Variants in CFAP96 observed in about 807,000 individuals in gnomAD.
CFAP96 encodes cilia and flagella associated protein 96.
chr4:185,423,970 TAAATG>T, the CFAP96 span, among the ~76,000 whole-genome samples: 2 of 152,066 alleles, frequency 1.3e-5, no homozygotes, highest in African/African-American at 2.4e-5. Flanking sequence ...TATTTTGAAA[TAAATG>T]AATAAGTACT....
chr4:185,443,921 C>CTTTT, the CFAP96 span, among the ~76,000 whole-genome samples: 30 of 82,832 alleles, frequency 3.6e-4, 2 homozygotes, highest in African/African-American at 1.2e-3. Flanking sequence ...CTATATCTTT[C>CTTTT]TTTTTTTTTT....
chr4:185,427,518 AG>A, the CFAP96 span, among the ~76,000 whole-genome samples: 8 of 148,138 alleles, frequency 5.4e-5, no homozygotes, highest in Non-Finnish European at 1.2e-4. Context: ...CCAGCACTTT[AG>A]GAGGCCGAGG....
At chr4:185,419,217 C>T in the CFAP96 span, among the ~76,000 whole-genome samples, 10 of 152,014 alleles carry the variant, frequency 6.6e-5, no homozygotes, top group East Asian at 1.9e-4. Context: ...CTGCAAGCTC[C>T]GCCTCCCGGG....
chr4:185,424,289 G>C, the CFAP96 span, among the ~76,000 whole-genome samples: 1 of 152,120 alleles, frequency 6.6e-6, no homozygotes, highest in African/African-American at 2.4e-5. Flanking sequence ...CTAAGCAACA[G>C]AGCAAGATCT....
chr4:185,425,502 G>C, the CFAP96 span, among the ~76,000 whole-genome samples: 1 of 152,160 alleles, frequency 6.6e-6, no homozygotes, highest in Admixed American at 6.5e-5. Context: ...AGAAACCAGG[G>C]GAGGGAAATA....
chr4:185,410,523 C>T, the CFAP96 span, among the ~76,000 whole-genome samples: 1 of 152,008 alleles, frequency 6.6e-6, no homozygotes, highest in Non-Finnish European at 1.5e-5. Context: ...TGGCTATTGC[C>T]AGTAATCCTA....
the CFAP96 span, chr4:185,418,902 A>T: frequency 1.5e-6 from 1 of 688,150 alleles, no homozygotes; most frequent in African/African-American, 1.8e-5. Flanking sequence ...TAATTTCAAA[A>T]TTTTTTGCCT....
chr4:185,420,547 A>C, the CFAP96 span, among the ~76,000 whole-genome samples: 2 of 152,200 alleles, frequency 1.3e-5, no homozygotes, highest in African/African-American at 4.8e-5. Flanking sequence ...TTGATAAATA[A>C]ATACTTTGGA....
the CFAP96 span, among the ~76,000 whole-genome samples, chr4:185,446,610 C>G: frequency 6.6e-6 from 1 of 151,954 alleles, no homozygotes; most frequent in African/African-American, 2.4e-5. Context: ...CAGGGACTAC[C>G]TAGTACTAAA....
chr4:185,411,665 G>A, the CFAP96 span, among the ~76,000 whole-genome samples: 1 of 152,052 alleles, frequency 6.6e-6, no homozygotes, highest in East Asian at 1.9e-4. Context: ...ATGGTTCAGA[G>A]GGGGAAAAAA....
At chr4:185,410,906 A>G in the CFAP96 span, among the ~76,000 whole-genome samples, 1 of 147,946 alleles carries the variant, frequency 6.8e-6, no homozygotes, top group African/African-American at 2.5e-5. Flanking sequence ...AGATTGTGCC[A>G]CTGCACTCCA....
chr4:185,441,697 A>G, the CFAP96 span, among the ~76,000 whole-genome samples: 1 of 151,692 alleles, frequency 6.6e-6, no homozygotes, highest in South Asian at 2.1e-4. Flanking sequence ...AATAATTTTA[A>G]TATTAAAATA....
At chr4:185,422,447 C>G in the CFAP96 span, 20 of 1,463,278 alleles carry the variant, frequency 1.4e-5, no homozygotes, top group Admixed American at 1.9e-5. Flanking sequence ...ATTTCACTAT[C>G]AATTTTCTAA....
the CFAP96 span, among the ~76,000 whole-genome samples, chr4:185,433,649 C>T: frequency 6.6e-6 from 1 of 152,168 alleles, no homozygotes; most frequent in African/African-American, 2.4e-5. Flanking sequence ...CACCTGTAAT[C>T]CCAGCACTTT....
chr4:185,432,210 T>G, the CFAP96 span: 9 of 1,548,188 alleles, frequency 5.8e-6, no homozygotes, highest in South Asian at 4.8e-5. Context: ...CCGTAAGTGT[T>G]TTTTGGGAAA....
the CFAP96 span, chr4:185,426,182 G>A: frequency 2.3e-6 from 1 of 439,390 alleles, no homozygotes; most frequent in African/African-American, 2.0e-5. Context: ...CTCCCACAGC[G>A]TGCTTGGAAT....
the CFAP96 span, among the ~76,000 whole-genome samples, chr4:185,420,323 A>T: frequency 6.6e-6 from 1 of 152,178 alleles, no homozygotes; most frequent in Non-Finnish European, 1.5e-5. Flanking sequence ...ATTTTTGAAT[A>T]TTTGACACAT....
At chr4:185,413,865 T>C in the CFAP96 span, 5 of 1,600,598 alleles carry the variant, frequency 3.1e-6, no homozygotes, top group African/African-American at 1.3e-5. Flanking sequence ...GAAAAGATCA[T>C]GTAACTCCTA....
At chr4:185,441,913 G>T in the CFAP96 span, among the ~76,000 whole-genome samples, 1 of 151,920 alleles carries the variant, frequency 6.6e-6, no homozygotes, top group African/African-American at 2.4e-5. Context: ...ATAGTTTATT[G>T]TAGGTGAATT....
Sources: gnomAD v4.1 joint callset for allele counts (sites outside exome capture counted in the v4.1 genomes callset) on GRCh38, gnomAD v4.1.1 for gene constraint, MANE v1.5 for transcripts, NCBI Gene and HGNC (gene_info 2026-07-23, HGNC 2026-07-21) for gene names.